PRKN: variants seen among roughly 807,000 people sequenced by gnomAD.
The protein encoded by PRKN is parkin RBR E3 ubiquitin protein ligase.
Under a neutral mutation model 59.5 loss-of-function variants are expected in PRKN, and 56 were observed. That is an observed-to-expected ratio of 0.94 (90% CI 0.76 to 1.18). The LOEUF (loss-of-function observed/expected upper bound fraction) is 1.18. Ranked by LOEUF, PRKN falls within the 50% of genes most tolerant of loss-of-function variation. PRKN has a pLI of 0.00. For synonymous variants in PRKN, 250 were observed against 222.1 expected (o/e 1.13, Z -1.12); for missense variants, 657 against 596.4 (o/e 1.10, Z -1.06).
At chr6:162,208,493 T>C (rs776200008) in intron 3 of PRKN, among the ~76,000 whole-genome samples, 21 of 152,220 alleles carry the variant, frequency 1.4e-4, no homozygotes, top group Non-Finnish European at 2.1e-4. Flanking sequence ...TTAAATCTAA[T>C]ACCTTTTTCT....
rs941614878 is a variant in PRKN at position 162,118,405 on chromosome 6, C to CA, written c.535-64232dup. 3.7e-3 allele frequency among the ~76,000 whole-genome samples: 510 copies of CA among 137,456 alleles called. 1 individual carries two copies. The highest frequency in any genetic ancestry group is 0.02 in the East Asian group (97 of 4,804). The allele number at this position is 137,456 out of a possible 152,430, so 90.2% of individuals were successfully genotyped here. A position where few individuals can be genotyped will look rare whatever the true frequency, so the allele number is the denominator to read the frequency against. Reference sequence around the variant, plus strand: ...TGGGCTACAGAGCGAGACTCCATCTCAAAAAAAAAAAGAGTATGATCACAT... The same window carrying CA: ...TGGGCTACAGAGCGAGACTCCATCTCAAAAAAAAAAAAGAGTATGATCACAT... On this transcript the variant is annotated intron_variant, in intron 4 of 11. Transcript: ENST00000366898.
chr6:162,616,207 T>G (rs1205980343), intron 1 of PRKN, among the ~76,000 whole-genome samples: 1 of 152,168 alleles, frequency 6.6e-6, no homozygotes, highest in African/African-American at 2.4e-5. Context: ...CCCACTGCCT[T>G]CTGAAGACTT....
intron 6 of PRKN, among the ~76,000 whole-genome samples, chr6:161,837,652 T>C (rs1237906033): frequency 3.3e-5 from 5 of 151,072 alleles, no homozygotes; most frequent in Non-Finnish European, 7.4e-5. Context: ...CAGCAGCGAA[T>C]GTTTATATGT....
intron 3 of PRKN, among the ~76,000 whole-genome samples, chr6:162,203,931 C>A (rs1310736549): frequency 2.0e-5 from 3 of 152,234 alleles, no homozygotes; most frequent in African/African-American, 4.8e-5. Context: ...TTGTACAAAT[C>A]ACATCCTTCA....
chr6:161,526,658 T>C lies in PRKN; in HGVS notation c.1083+22196A>G, dbSNP rs1020234124. On this transcript the variant is annotated intron_variant, in intron 9 of 11. Transcript: ENST00000366898. This position sits in a 1 kb window ranked among gnomAD's most constrained non-coding sequence, Gnocchi z 4.1. ...TACATGAGGAGCAAACCCTCTGATA[T>C]AATTTTACATTTACTCATCCATTCA... 6.6e-6 allele frequency among the ~76,000 whole-genome samples: 1 copy of C among 151,822 alleles called. No homozygotes were observed. Among genetic ancestry groups the C allele is most frequent in the African/African-American group, 2.4e-5 (1 of 41,394 alleles).
chr6:162,683,412 T>C (rs1024864842), intron 1 of PRKN, among the ~76,000 whole-genome samples: 8 of 152,130 alleles, frequency 5.3e-5, no homozygotes, highest in Non-Finnish European at 8.8e-5. Flanking sequence ...GAAGATAACC[T>C]ACAAGGAAAG....
chr6:162,229,314 A>C (rs1421531963), intron 3 of PRKN, among the ~76,000 whole-genome samples: 4 of 152,062 alleles, frequency 2.6e-5, no homozygotes, highest in Non-Finnish European at 4.4e-5. Context: ...TTTCCATCAT[A>C]TTCAGCTTCT....
chr6:162,011,328 T>A (rs1159230227), intron 5 of PRKN, among the ~76,000 whole-genome samples: 1 of 29,004 alleles, frequency 3.4e-5, no homozygotes, highest in Non-Finnish European at 5.4e-5. Flanking sequence ...TTATAATATA[T>A]ATAATATATT....
At chr6:161,733,877 G>A (rs1369443586) in intron 7 of PRKN, among the ~76,000 whole-genome samples, 1 of 144,076 alleles carries the variant, frequency 6.9e-6, no homozygotes, top group Non-Finnish European at 1.5e-5. Context: ...TAAACTACAA[G>A]TCTGTCTCCA....
chr6:161,642,571 T>TA (rs546299656), intron 7 of PRKN, among the ~76,000 whole-genome samples: 74 of 152,134 alleles, frequency 4.9e-4, no homozygotes, highest in African/African-American at 1.7e-3. Context: ...AATCACTTTT[T>TA]AAAAAAAGAC....
chr6:161,902,199 G>T (rs1476525382), intron 6 of PRKN, among the ~76,000 whole-genome samples: 2 of 152,064 alleles, frequency 1.3e-5, no homozygotes, highest in African/African-American at 4.8e-5. Flanking sequence ...AATGCGTCAG[G>T]GCACTCCCCT....
chr6:161,785,701 G>T (rs1790384536), intron 7 of PRKN, 71 bp downstream of exon 7: 1 of 1,488,818 alleles, frequency 6.7e-7, no homozygotes, highest in Non-Finnish European at 9.3e-7. Context: ...ATCTAAGCCA[G>T]TTTTACATCA....
chr6:162,709,565 T>C (rs986991678), intron 1 of PRKN, among the ~76,000 whole-genome samples: 15 of 152,094 alleles, frequency 9.9e-5, no homozygotes, highest in East Asian at 1.9e-4. Context: ...ATCCGGACCA[T>C]AGGAATTGAA....
At chr6:161,726,934 A>G (rs995377169) in intron 7 of PRKN, among the ~76,000 whole-genome samples, 1 of 152,194 alleles carries the variant, frequency 6.6e-6, no homozygotes, top group Non-Finnish European at 1.5e-5. Flanking sequence ...GGCCAGTCAC[A>G]TCTGAAAGTA....
At chr6:161,694,859 T>C (rs181094432) in intron 7 of PRKN, among the ~76,000 whole-genome samples, 48 of 152,250 alleles carry the variant, frequency 3.2e-4, no homozygotes, top group African/African-American at 9.9e-4. Context: ...CTTTGTGAAG[T>C]GGGGGCTCCC....
chr6:161,864,609 T>A (rs146679910), intron 6 of PRKN, among the ~76,000 whole-genome samples: 1 of 151,986 alleles, frequency 6.6e-6, no homozygotes, highest in Non-Finnish European at 1.5e-5. Context: ...TCTAGAATGG[T>A]GAATTCTTTC....
At chr6:161,673,890 A>G (rs1784996898) in intron 7 of PRKN, among the ~76,000 whole-genome samples, 1 of 152,192 alleles carries the variant, frequency 6.6e-6, no homozygotes. Context: ...ACTGAAGCAA[A>G]AGAAGGATCA....
At chr6:162,290,552 ATTT>A (rs879343427) in intron 2 of PRKN, among the ~76,000 whole-genome samples, 7 of 152,140 alleles carry the variant, frequency 4.6e-5, no homozygotes, top group Non-Finnish European at 7.4e-5. Flanking sequence ...TTTATGAGTA[ATTT>A]TTTATCACCA....
At chr6:162,243,397 G>C (rs182377292) in intron 3 of PRKN, among the ~76,000 whole-genome samples, 1 of 152,138 alleles carries the variant, frequency 6.6e-6, no homozygotes, top group Non-Finnish European at 1.5e-5. Context: ...AAGAGAAAAA[G>C]GGGAATATTG....
Sources: gnomAD v4.1 joint callset for allele counts (sites outside exome capture counted in the v4.1 genomes callset) on GRCh38, gnomAD v4.1.1 for gene constraint, Gnocchi (gnomAD v3.1) non-coding constraint, MANE v1.5 for transcripts, NCBI Gene and HGNC (gene_info 2026-07-23, HGNC 2026-07-21) for gene names.